The following COL10A1 variants were observed in gnomAD, a reference collection of about 807,000 sequenced individuals.
The protein encoded by COL10A1 is collagen type X alpha 1 chain.
Under a neutral mutation model 18.2 loss-of-function variants are expected in COL10A1, and 10 were observed. That is an observed-to-expected ratio of 0.55 (90% CI 0.34 to 0.93). The LOEUF is 0.93. Among genes scored for constraint, COL10A1 ranks in the 40% least tolerant of loss-of-function variants. The pLI is 0.02. For missense variants in COL10A1, 897 were observed against 853.5 expected (o/e 1.05, Z -0.64); for synonymous variants, 330 against 316.6 (o/e 1.04, Z -0.45).
At chr6:116,184,391 T>C in the COL10A1 span, among the ~76,000 whole-genome samples, 3 of 152,082 alleles carry the variant, frequency 2.0e-5, no homozygotes, top group Non-Finnish European at 1.5e-5. Flanking sequence ...CTGGTTTTGG[T>C]ATTAGGGTGA....
chr6:116,170,362 A>T, the COL10A1 span, among the ~76,000 whole-genome samples: 1 of 152,152 alleles, frequency 6.6e-6, no homozygotes, highest in Non-Finnish European at 1.5e-5. Context: ...GTTAAACTGA[A>T]TTCGAAGTCT....
At chr6:116,125,559 TTTA>T in intron 1 of COL10A1, 52 bp from the exon 2 acceptor site, 1 of 1,542,412 alleles carries the variant, frequency 6.5e-7, no homozygotes, top group South Asian at 1.1e-5. Flanking sequence ...AACCTATTTT[TTTA>T]TTCTCATGTT....
At chr6:116,180,058 C>A in the COL10A1 span, among the ~76,000 whole-genome samples, 1 of 151,976 alleles carries the variant, frequency 6.6e-6, no homozygotes, top group Non-Finnish European at 1.5e-5. Context: ...TTCTCTATAA[C>A]TGTGTTGAAT....
chr6:116,175,086 A>C, the COL10A1 span, among the ~76,000 whole-genome samples: 2 of 152,152 alleles, frequency 1.3e-5, no homozygotes, highest in African/African-American at 2.4e-5. Context: ...CAGAAATTTA[A>C]TTTTCTTGAG....
chr6:116,126,592 T>C (rs1432716451), upstream of COL10A1, among the ~76,000 whole-genome samples: 3 of 152,182 alleles, frequency 2.0e-5, no homozygotes, highest in Admixed American at 2.0e-4. Flanking sequence ...TGTCTATTAA[T>C]ATTCATAAAT....
chr6:116,156,044 A>G (rs1780185168), intron 1 of COL10A1, among the ~76,000 whole-genome samples: 1 of 152,218 alleles, frequency 6.6e-6, no homozygotes, highest in South Asian at 2.1e-4. Context: ...AAACATTATG[A>G]TAGTCACAAA....
the COL10A1 span, among the ~76,000 whole-genome samples, chr6:116,194,165 A>G: frequency 6.6e-6 from 1 of 152,122 alleles, no homozygotes; most frequent in Non-Finnish European, 1.5e-5. Context: ...AATGTACAAA[A>G]AATGTGACAT....
rs1582811551 is a variant in COL10A1 at position 116,119,989 on chromosome 6, C to G, written c.*84G>C. ...AAATAAAAATTACATTCTTTTCAGC[C>G]TACCTCCATATGCATTTTGTAGGGT... On this transcript the variant is annotated 3_prime_UTR_variant, in exon 3 of 3. Coordinates refer to ENST00000651968, the MANE Select transcript of COL10A1 (RefSeq NM_000493.4). 3 of 1,172,552 alleles carry G rather than the reference C, an allele frequency of 2.6e-6. No individual in the cohort carries two copies. In the Middle Eastern group the frequency reaches 7.2e-4, roughly 281 times the overall value. 72.6% of individuals were successfully genotyped at this position (1,172,552 alleles called of 1,614,324 possible). A position where few individuals can be genotyped will look rare whatever the true frequency, so the allele number is the denominator to read the frequency against.
chr6:116,160,284 A>G (rs1162304709), upstream of COL10A1, among the ~76,000 whole-genome samples: 2 of 151,880 alleles, frequency 1.3e-5, no homozygotes, highest in Admixed American at 6.6e-5. Flanking sequence ...TCTGTTATCT[A>G]TTGGCTTTTT....
At chr6:116,156,540 G>A (rs1780199703) in intron 1 of COL10A1, among the ~76,000 whole-genome samples, 1 of 152,176 alleles carries the variant, frequency 6.6e-6, no homozygotes, top group African/African-American at 2.4e-5. Context: ...TAAGGGAAGA[G>A]GAGACCGATT....
the COL10A1 span, among the ~76,000 whole-genome samples, chr6:116,181,183 A>G: frequency 6.6e-6 from 1 of 152,030 alleles, no homozygotes; most frequent in African/African-American, 2.4e-5. Context: ...CTACTGTTAC[A>G]TGTGTCTGAA....
the COL10A1 span, among the ~76,000 whole-genome samples, chr6:116,178,744 G>T: frequency 1.3e-5 from 2 of 152,148 alleles, no homozygotes; most frequent in South Asian, 4.1e-4. Flanking sequence ...CTTGATTGAT[G>T]CCTCCCAAAA....
intron 1 of COL10A1, among the ~76,000 whole-genome samples, chr6:116,151,611 A>G (rs543631746): frequency 2.4e-4 from 36 of 152,356 alleles, no homozygotes; most frequent in African/African-American, 8.7e-4. Context: ...TCGAGAATGC[A>G]GTACATGCAA....
At chr6:116,204,391 TC>T in the COL10A1 span, among the ~76,000 whole-genome samples, 1 of 151,944 alleles carries the variant, frequency 6.6e-6, no homozygotes, top group Non-Finnish European at 1.5e-5. Context: ...TAATTAGTAA[TC>T]AGGGAAATGC....
At chr6:116,128,951 A>G (rs1472212855), upstream of COL10A1, among the ~76,000 whole-genome samples, 1 of 152,174 alleles carries the variant, frequency 6.6e-6, no homozygotes, top group East Asian at 1.9e-4. Context: ...CTTTTATAGT[A>G]GTGAGAATAG....
upstream of COL10A1, among the ~76,000 whole-genome samples, chr6:116,160,839 G>A (rs1031960363): frequency 1.3e-5 from 2 of 151,982 alleles, no homozygotes; most frequent in Admixed American, 1.3e-4. Flanking sequence ...TCCCATTACT[G>A]GGTATATACC....
chr6:116,216,938 T>C, the COL10A1 span, among the ~76,000 whole-genome samples: 5 of 152,152 alleles, frequency 3.3e-5, no homozygotes, highest in Non-Finnish European at 5.9e-5. Context: ...TTAAATCTCT[T>C]CTAAATTATA....
the COL10A1 span, among the ~76,000 whole-genome samples, chr6:116,198,536 C>T: frequency 2.0e-5 from 3 of 151,690 alleles, no homozygotes; most frequent in Non-Finnish European, 4.4e-5. Flanking sequence ...TCAAGACTAG[C>T]CTGGACAGCA....
chr6:116,172,249 G>A, the COL10A1 span, among the ~76,000 whole-genome samples: 2 of 150,154 alleles, frequency 1.3e-5, no homozygotes, highest in East Asian at 1.9e-4. Flanking sequence ...TAAGTTTAAG[G>A]TTATATTAGA....
Sources: allele counts gnomAD v4.1 joint callset (sites outside exome capture counted in the v4.1 genomes callset), GRCh38; gene constraint gnomAD v4.1.1; transcripts MANE v1.5; gene names NCBI Gene and HGNC (gene_info 2026-07-23, HGNC 2026-07-21).